Variants in AFF3 observed in about 807,000 individuals in gnomAD.
The protein encoded by AFF3 is AF4/FMR2 family member 3.
AFF3 carries 32 observed loss-of-function variants against 129.7 expected under a neutral mutation model. The observed-to-expected ratio is 0.25, with a 90% CI of 0.19 to 0.33. The LOEUF (loss-of-function observed/expected upper bound fraction) is 0.33, where lower values mean the gene tolerates loss of function less well. AFF3 is among the 10% of genes least tolerant of loss of function. The probability of loss-of-function intolerance (pLI) is 1.00; values close to 1 mark genes in which losing one functional copy is unlikely to be tolerated. For synonymous variants in AFF3, 644 were observed against 635.4 expected, an observed-to-expected ratio of 1.01 and a Z score of -0.20; for missense variants, 1,373 against 1,592.0, an observed-to-expected ratio of 0.86 and a Z score of 2.34.
intron 7 of AFF3, among the ~76,000 whole-genome samples, chr2:100,003,179 T>C (rs1228382033): frequency 6.6e-6 from 1 of 152,164 alleles, no homozygotes; most frequent in Non-Finnish European, 1.5e-5. Flanking sequence ...GTGAGATATT[T>C]TCTATTCCTT....
intron 4 of AFF3, among the ~76,000 whole-genome samples, chr2:100,050,463 A>G (rs1686216197): frequency 6.6e-6 from 1 of 152,004 alleles, no homozygotes; most frequent in Non-Finnish European, 1.5e-5. Flanking sequence ...TCTTGTTTTT[A>G]GATCCCAGAA....
Position 99,554,410 on chromosome 2 carries a change from T to C in AFF3, c.3460A>G (p.Ile1154Val), listed in dbSNP as rs142364775. Reference protein sequence around the residue: ...PSTIVSIPQRIHQMAANHVSI... With the variant: ...PSTIVSIPQRVHQMAANHVSI... ...ACGTGGTTGGCCGCCATCTGGTGGA[T>C]GCGCTGTGGGATGCTGACGATGGTC... Residue 1154 changes from isoleucine to valine, a missense_variant, in exon 24 of 25, where the codon ATC becomes GTC. Physicochemically the swap from Ile to Val is conservative, Grantham distance 29. Transcript: ENST00000672756. 1 of 1,614,058 alleles carries C rather than the reference T, an allele frequency of 6.2e-7. No individual in the cohort carries two copies. Among genetic ancestry groups the C allele is most frequent in the African/African-American group, 1.3e-5 (1 of 74,928 alleles).
intron 8 of AFF3, among the ~76,000 whole-genome samples, chr2:99,818,387 C>T (rs10184829): frequency 1.6e-3 from 240 of 152,264 alleles, no homozygotes; most frequent in African/African-American, 5.5e-3. Context: ...CAAATTAAAA[C>T]TGTACATCAA....
chr2:99,922,845 C>A (rs1270353240), intron 7 of AFF3, among the ~76,000 whole-genome samples: 1 of 152,110 alleles, frequency 6.6e-6, no homozygotes, highest in Non-Finnish European at 1.5e-5. Context: ...CGGTTCCAGG[C>A]CTCCAGCCAC....
intron 7 of AFF3, among the ~76,000 whole-genome samples, chr2:99,948,715 C>T (rs1042583326): frequency 6.6e-6 from 1 of 152,134 alleles, no homozygotes; most frequent in African/African-American, 2.4e-5. Flanking sequence ...TGTGCATCCC[C>T]CGCTCATCCC....
intron 18 of AFF3, among the ~76,000 whole-genome samples, chr2:99,577,985 G>T (rs1410361016): frequency 6.6e-6 from 1 of 152,202 alleles, no homozygotes; most frequent in Non-Finnish European, 1.5e-5. Flanking sequence ...AAACAACAAT[G>T]CTTCTCTTTC....
intron 4 of AFF3, among the ~76,000 whole-genome samples, chr2:100,072,627 A>T (rs558101075): frequency 6.6e-6 from 1 of 152,116 alleles, no homozygotes; most frequent in Non-Finnish European, 1.5e-5. Flanking sequence ...ATTTCAGACC[A>T]AGAAGGGAGG....
chr2:100,040,692 G>T (rs544289150), intron 4 of AFF3, among the ~76,000 whole-genome samples: 1 of 152,222 alleles, frequency 6.6e-6, no homozygotes, highest in South Asian at 2.1e-4. Context: ...CTACCGACAG[G>T]CTTGCTATTT....
At chr2:100,025,313 A>C (rs1001147758) in intron 4 of AFF3, among the ~76,000 whole-genome samples, 8 of 152,306 alleles carry the variant, frequency 5.3e-5, no homozygotes, top group Middle Eastern at 3.4e-3. Context: ...GCAAAAAAAA[A>C]GTAAAATACT....
intron 4 of AFF3, among the ~76,000 whole-genome samples, chr2:100,025,986 T>C (rs1684005652): frequency 6.6e-6 from 1 of 152,338 alleles, no homozygotes; most frequent in African/African-American, 2.4e-5. Flanking sequence ...GACATTGGCT[T>C]AGGCAAGGAT....
At chr2:100,045,992 T>C (rs79117461) in intron 4 of AFF3, among the ~76,000 whole-genome samples, 1,963 of 152,262 alleles carry the variant, frequency 0.013, 49 homozygotes, top group African/African-American at 0.045. Flanking sequence ...TTTGACTGCA[T>C]GAGGGTTGGC....
At chr2:100,054,207 T>G (rs929856730) in intron 4 of AFF3, among the ~76,000 whole-genome samples, 1 of 152,188 alleles carries the variant, frequency 6.6e-6, no homozygotes, top group Non-Finnish European at 1.5e-5. Context: ...CTTGGGAAAG[T>G]TACATCCTCT....
chr2:100,085,186 T>TA (rs535297105), intron 4 of AFF3, among the ~76,000 whole-genome samples: 36 of 119,550 alleles, frequency 3.0e-4, no homozygotes, highest in South Asian at 5.6e-4. Flanking sequence ...TTCTTAAAAC[T>TA]AAAAAAAAAA....
Position 100,106,374 on chromosome 2 carries a change from G to A in AFF3, c.-144-791C>T, listed in dbSNP as rs183320887. On this transcript the variant is annotated intron_variant, in intron 2 of 24. Transcript: ENST00000672756. ...AAAAACATAGAGAATATGAATATAG[G>A]AAAAAGTACAGGTGTGAAGGGCTGG... is the stretch of plus-strand genomic sequence containing the variant. The A allele has an allele frequency of 2.1e-4, 239 of 1,115,894 alleles. 2 individuals are homozygous for A. In the African/African-American group the frequency reaches 3.6e-3, roughly 17 times the overall value. The allele number at this position is 1,115,894 out of a possible 1,614,324, so 69.1% of individuals were successfully genotyped here.
intron 11 of AFF3, among the ~76,000 whole-genome samples, chr2:99,724,723 C>G (rs762614351): frequency 1.1e-4 from 17 of 152,148 alleles, no homozygotes; most frequent in Non-Finnish European, 2.1e-4. Flanking sequence ...ACTCTTTATC[C>G]GTAATGTACT....
intron 7 of AFF3, among the ~76,000 whole-genome samples, chr2:99,956,212 A>T (rs1355700337): frequency 6.6e-6 from 1 of 151,920 alleles, no homozygotes; most frequent in Non-Finnish European, 1.5e-5. Flanking sequence ...TATTACAGGG[A>T]CATTAAATTA....
At chr2:100,073,453 C>A (rs1328021781) in intron 4 of AFF3, among the ~76,000 whole-genome samples, 1 of 152,214 alleles carries the variant, frequency 6.6e-6, no homozygotes, top group East Asian at 1.9e-4. Flanking sequence ...TTGCCAACAC[C>A]TTCCTCTCAG....
chr2:99,589,917 T>C (rs1316584913), intron 15 of AFF3, among the ~76,000 whole-genome samples: 1 of 152,142 alleles, frequency 6.6e-6, no homozygotes, highest in African/African-American at 2.4e-5. Flanking sequence ...GTCATGGAGG[T>C]GTCTACAGTA....
intron 24 of AFF3, among the ~76,000 whole-genome samples, chr2:99,553,789 C>CT (rs928179424): frequency 6.6e-5 from 10 of 151,818 alleles, no homozygotes; most frequent in Admixed American, 2.0e-4. Flanking sequence ...TGGCACATGC[C>CT]TGTAGTCCCA....
Sources: allele counts gnomAD v4.1 joint callset (sites outside exome capture counted in the v4.1 genomes callset), GRCh38; gene constraint gnomAD v4.1.1; transcripts MANE v1.5; gene names NCBI Gene and HGNC (gene_info 2026-07-23, HGNC 2026-07-21).